CAMK2B: variants seen among roughly 807,000 people sequenced by gnomAD.
The protein encoded by CAMK2B is calcium/calmodulin-dependent protein kinase type II subunit beta.
CAMK2B carries 27 observed loss-of-function variants against 93.7 expected under a neutral mutation model. That is an observed-to-expected ratio of 0.29 (90% CI 0.21 to 0.40). The LOEUF is 0.40. Ranked by LOEUF, CAMK2B falls within the 10% of genes least tolerant of loss-of-function variation. CAMK2B has a pLI of 1.00. For synonymous variants in CAMK2B, 374 were observed against 358.8 expected (o/e 1.04, Z -0.48); for missense variants, 568 against 895.8 (o/e 0.63, Z 4.67).
intron 1 of CAMK2B, among the ~76,000 whole-genome samples, chr7:44,292,042 T>C (rs1159100516): frequency 1.3e-5 from 2 of 152,212 alleles, no homozygotes; most frequent in African/African-American, 2.4e-5. Flanking sequence ...ACAACAGATA[T>C]TTATTTTCTT....
At position 44,233,249 on chromosome 7, in the gene CAMK2B, G is replaced by GA. The variant is rs149773484; in HGVS notation, c.1132-384_1132-383insT. 5.9e-5 allele frequency among the ~76,000 whole-genome samples: 9 copies of GA among 152,236 alleles called. No homozygotes were observed. The East Asian group carries it at 1.7e-3, about 29-fold the overall frequency. ...AACCTGTGCCCCAGCGTGGTGGGGG[G>GA]CACAGGTTTGAAGATGTCATGGGGG... On this transcript the variant is annotated intron_variant, in intron 15 of 23. Coordinates refer to ENST00000395749, the MANE Select transcript of CAMK2B (RefSeq NM_001220.5).
chr7:44,288,737 G>A (rs1785837902), intron 1 of CAMK2B, among the ~76,000 whole-genome samples: 1 of 152,168 alleles, frequency 6.6e-6, no homozygotes, highest in Non-Finnish European at 1.5e-5. Context: ...CCTGTCCTGA[G>A]AGAGAAGGGG....
In CAMK2B at chr7:44,248,965, C is replaced by G. The variant is rs1439592950; in HGVS notation, c.342-1773G>C. Reference sequence around the variant, plus strand: ...ATATGCCCTGGGGTGTCCTGCCTTCCCTCCTCCCCATGTGCCCTGGGGTGT... The same window carrying G: ...ATATGCCCTGGGGTGTCCTGCCTTCGCTCCTCCCCATGTGCCCTGGGGTGT... On this transcript the variant is annotated intron_variant, in intron 5 of 23. Transcript: ENST00000395749. This position sits in a 1 kb window ranked among gnomAD's most constrained non-coding sequence, Gnocchi z 4.1. Among the ~76,000 whole-genome samples the G allele has an allele frequency of 1.3e-5, 2 of 151,846 alleles. No homozygotes were observed. The highest frequency in any genetic ancestry group is 2.9e-5 in the Non-Finnish European group (2 of 67,942).
chr7:44,301,633 C>T (rs773176099), intron 1 of CAMK2B, among the ~76,000 whole-genome samples: 10 of 151,860 alleles, frequency 6.6e-5, no homozygotes, highest in African/African-American at 1.5e-4. Flanking sequence ...AAAATCTAGC[C>T]GGGCATGGTG....
At chr7:44,220,479 G>A in intron 22 of CAMK2B, 137 bp downstream of exon 22, 1 of 868,468 alleles carries the variant, frequency 1.2e-6, no homozygotes, top group Non-Finnish European at 1.8e-6. Context: ...CCTCTGGCGG[G>A]GGAGAGGTGG....
chr7:44,306,511 C>T (rs1791561502), intron 1 of CAMK2B, among the ~76,000 whole-genome samples: 2 of 152,194 alleles, frequency 1.3e-5, no homozygotes, highest in African/African-American at 4.8e-5. Flanking sequence ...GAGGGAGGAC[C>T]ACCCAGGAAC....
chr7:44,256,003 G>GC (rs748811840), intron 4 of CAMK2B, among the ~76,000 whole-genome samples: 32 of 135,338 alleles, frequency 2.4e-4, no homozygotes, highest in Non-Finnish European at 4.3e-4. Flanking sequence ...TTCTGTCCAG[G>GC]CTGGGGCTGG....
At chr7:44,261,178 C>G (rs1429739254) in intron 3 of CAMK2B, among the ~76,000 whole-genome samples, 1 of 152,240 alleles carries the variant, frequency 6.6e-6, no homozygotes. Flanking sequence ...TAGGACTTGC[C>G]TGTGAAATCT....
At position 44,219,355 on chromosome 7, in the gene CAMK2B, TTTTTTTTTTG is replaced by T. The variant is rs2096369236; in HGVS notation, c.*160_*169del. ...GTCGTCGTCATCTTGTTTTTTTTTTTTTTTTTTTTGTTTTTTTTTAACAAATCACATCTGG... is the reference window on the plus strand; with the variant it reads ...GTCGTCGTCATCTTGTTTTTTTTTTTTTTTTTTTTAACAAATCACATCTGG... On this transcript the variant is annotated 3_prime_UTR_variant, in exon 24 of 24. Coordinates refer to ENST00000395749, the MANE Select transcript of CAMK2B (RefSeq NM_001220.5). 1 of 134,362 alleles carries T rather than the reference TTTTTTTTTTG, an allele frequency of 7.4e-6. No individual in the cohort carries two copies. The highest frequency in any genetic ancestry group is 1.6e-5 in the Non-Finnish European group (1 of 61,438). 8.3% of individuals were successfully genotyped at this position (134,362 alleles called of 1,614,324 possible). A position where few individuals can be genotyped will look rare whatever the true frequency, so the allele number is the denominator to read the frequency against.
At chr7:44,281,993 C>T (rs1367867280) in intron 2 of CAMK2B, among the ~76,000 whole-genome samples, 3 of 152,206 alleles carry the variant, frequency 2.0e-5, no homozygotes, top group African/African-American at 7.2e-5. Flanking sequence ...GCCTAACTGC[C>T]GGAGGGCCAG....
At chr7:44,251,430 C>T (rs1337665649) in intron 5 of CAMK2B, among the ~76,000 whole-genome samples, 1 of 152,182 alleles carries the variant, frequency 6.6e-6, no homozygotes, top group African/African-American at 2.4e-5. Context: ...AGGCAGGGCA[C>T]GAGGCTCACC....
intron 16 of CAMK2B, among the ~76,000 whole-genome samples, chr7:44,231,568 G>A (rs539179191): frequency 1.3e-5 from 2 of 152,338 alleles, no homozygotes; most frequent in African/African-American, 4.8e-5. Context: ...AGCAGCAGCC[G>A]GTGTCATCCA....
In CAMK2B at chr7:44,274,608, A is replaced by C. The variant is rs563358875; in HGVS notation, c.160+9523T>G. 9.2e-5 allele frequency among the ~76,000 whole-genome samples: 14 copies of C among 152,280 alleles called. No individual in the cohort carries two copies. The East Asian group carries it at 2.7e-3, about 29-fold the overall frequency. On this transcript the variant is annotated intron_variant, in intron 2 of 23. Transcript: ENST00000395749. ...CACTCCCCAACCAGCTCAGTCCTTA[A>C]GTGGAATCTTCAAAACACTCTTCTC...
At chr7:44,235,099 G>A (rs567858722) in intron 13 of CAMK2B, among the ~76,000 whole-genome samples, 71 of 152,326 alleles carry the variant, frequency 4.7e-4, no homozygotes, top group African/African-American at 1.7e-3. Context: ...ATGCCCTCCC[G>A]GGCCCTGCCT....
chr7:44,273,103 C>A (rs992831388), intron 2 of CAMK2B, among the ~76,000 whole-genome samples: 4 of 152,190 alleles, frequency 2.6e-5, no homozygotes, highest in Non-Finnish European at 5.9e-5. Flanking sequence ...GCGTCCTCCC[C>A]ACAAGGACTG....
intron 16 of CAMK2B, among the ~76,000 whole-genome samples, chr7:44,231,863 A>C (rs2096582527): frequency 6.6e-6 from 1 of 152,162 alleles, no homozygotes; most frequent in South Asian, 2.1e-4. Flanking sequence ...ACATCTTACA[A>C]GGTCCCTGGG....
At chr7:44,274,669 C>T (rs530787170) in intron 2 of CAMK2B, among the ~76,000 whole-genome samples, 58 of 152,384 alleles carry the variant, frequency 3.8e-4, no homozygotes, top group African/African-American at 1.4e-3. Context: ...TAAGGAGGTA[C>T]TATGTGCAAA....
chr7:44,318,085 C>T (rs1157933405), intron 1 of CAMK2B, among the ~76,000 whole-genome samples: 1 of 152,220 alleles, frequency 6.6e-6, no homozygotes, highest in Non-Finnish European at 1.5e-5. Context: ...TGCTCCTAAC[C>T]AGACTCCTAC....
At chr7:44,288,233 G>A (rs1048437657) in intron 1 of CAMK2B, among the ~76,000 whole-genome samples, 3 of 152,264 alleles carry the variant, frequency 2.0e-5, no homozygotes, top group Non-Finnish European at 4.4e-5. Flanking sequence ...CTCCACCAGC[G>A]CACAGAGGCT....
Sources: allele counts gnomAD v4.1 joint callset (sites outside exome capture counted in the v4.1 genomes callset), GRCh38; gene constraint gnomAD v4.1.1; non-coding constraint Gnocchi (gnomAD v3.1); transcripts MANE v1.5; gene names NCBI Gene and HGNC (gene_info 2026-07-23, HGNC 2026-07-21).